TENT5C: variants seen among roughly 807,000 people sequenced by gnomAD.
TENT5C encodes family with sequence similarity 46 member C.
TENT5C carries 5 observed loss-of-function variants against 22.2 expected under a neutral mutation model. The ratio of observed to expected loss-of-function variants is 0.22; its 90% CI spans 0.12 to 0.47. The LOEUF (loss-of-function observed/expected upper bound fraction) is 0.47. Among genes scored for constraint, TENT5C ranks in the 20% least tolerant of loss-of-function variants. The pLI is 0.99. For missense variants in TENT5C, 364 were observed against 500.9 expected, an observed-to-expected ratio of 0.73 and a Z score of 2.61; for synonymous variants, 199 against 195.4, an observed-to-expected ratio of 1.02 and a Z score of -0.15.
intron 1 of TENT5C, among the ~76,000 whole-genome samples, chr1:117,613,810 T>C (rs1653720089): frequency 6.6e-6 from 1 of 152,130 alleles, no homozygotes; most frequent in Non-Finnish European, 1.5e-5. Flanking sequence ...AGACCAACTG[T>C]GGGGTTTGTT....
rs767537718 is a variant in TENT5C at position 117,623,823 on chromosome 1, G to A, written c.955G>A (p.Val319Met). 17 of 1,614,036 alleles carry A rather than the reference G, an allele frequency of 1.1e-5. No individual in the cohort carries two copies. Among genetic ancestry groups the A allele is most frequent in the Admixed American group, 6.7e-5 (4 of 60,000 alleles). The change falls in exon 2 of 2, where the codon GTG becomes ATG. Residue 319 changes from valine (V) to methionine (M), a missense_variant. Physicochemically the swap from Val to Met is conservative, Grantham distance 21. Coordinates refer to ENST00000369448, the MANE Select transcript of TENT5C (RefSeq NM_017709.4). Reference sequence around the variant, plus strand: ...TCGCAGGGTGGTGAACGAGAGCACCGTGTGTCTCATGGGGCATGAACGCAG... The same window carrying A: ...TCGCAGGGTGGTGAACGAGAGCACCATGTGTCTCATGGGGCATGAACGCAG... ...ILRRVVNEST[V>M]CLMGHERRQT...
chr1:117,607,972 T>G (rs754624649), intron 1 of TENT5C, among the ~76,000 whole-genome samples: 2 of 152,186 alleles, frequency 1.3e-5, no homozygotes, highest in African/African-American at 2.4e-5. Context: ...TACCCATAGC[T>G]TTAGAGTACA....
At chr1:117,617,396 T>TC (rs927881240) in intron 1 of TENT5C, among the ~76,000 whole-genome samples, 23 of 151,308 alleles carry the variant, frequency 1.5e-4, no homozygotes, top group African/African-American at 2.7e-4. Flanking sequence ...TTTTTTTTTT[T>TC]CCCTTCAGTG....
rs1200375252 is a variant in TENT5C, at chr1:117,627,110, G to A, written c.*3066G>A. On this transcript the variant is annotated 3_prime_UTR_variant, in exon 2 of 2. Coordinates refer to ENST00000369448, the MANE Select transcript of TENT5C (RefSeq NM_017709.4). Reference sequence around the variant, plus strand: ...CCTGTGGGATGGCCCACACCTGGGGGACCTGGCAGATGGGGTGAGTTGGGT... The same window carrying A: ...CCTGTGGGATGGCCCACACCTGGGGAACCTGGCAGATGGGGTGAGTTGGGT... The A allele has an allele frequency of 8.1e-6, 2 of 248,088 alleles. No individual in the cohort carries two copies. The highest frequency in any genetic ancestry group is 1.7e-5 in the Non-Finnish European group (2 of 118,138). 15.4% of individuals were successfully genotyped at this position (248,088 alleles called of 1,614,324 possible).
At chr1:117,620,252 A>G (rs1653864070) in intron 1 of TENT5C, among the ~76,000 whole-genome samples, 1 of 152,214 alleles carries the variant, frequency 6.6e-6, no homozygotes, top group Admixed American at 6.5e-5. Context: ...CTTGAGTCAG[A>G]ATACATTCCT....
At chr1:117,617,804 A>G (rs1653817971) in intron 1 of TENT5C, among the ~76,000 whole-genome samples, 1 of 152,246 alleles carries the variant, frequency 6.6e-6, no homozygotes, top group Non-Finnish European at 1.5e-5. Context: ...CTAAGCACTG[A>G]TGTGTTACCT....
At chr1:117,617,052 G>T (rs3767818) in intron 1 of TENT5C, among the ~76,000 whole-genome samples, 8 of 152,154 alleles carry the variant, frequency 5.3e-5, no homozygotes, top group Admixed American at 1.3e-4. Context: ...GTGTGCAAAT[G>T]TTATAAATGC....
At chr1:117,617,457 A>G (rs1377210249) in intron 1 of TENT5C, among the ~76,000 whole-genome samples, 4 of 152,030 alleles carry the variant, frequency 2.6e-5, no homozygotes, top group African/African-American at 4.8e-5. Flanking sequence ...AGGGAGTACG[A>G]AAGTACCTGA....
rs1022242271 is a variant in TENT5C, at chr1:117,608,149, G to T, written c.-28+1996G>T. 2.6e-5 allele frequency among the ~76,000 whole-genome samples: 4 copies of T among 151,340 alleles called. No homozygotes were observed. The South Asian group carries it at 8.3e-4, about 32-fold the overall frequency. On this transcript the variant is annotated intron_variant, in intron 1 of 1. Coordinates refer to ENST00000369448, the MANE Select transcript of TENT5C (RefSeq NM_017709.4). ...AAAACAAAGATCCCTAATTTCATAA[G>T]CAGCTTCAGTGAGCACATAGAATTA...
chr1:117,613,318 C>T (rs763717878), intron 1 of TENT5C, among the ~76,000 whole-genome samples: 6 of 152,240 alleles, frequency 3.9e-5, no homozygotes, highest in East Asian at 3.8e-4. Flanking sequence ...TTTGCAACCA[C>T]GTCAGAGTAT....
chr1:117,608,320 A>G (rs1201519066), intron 1 of TENT5C, among the ~76,000 whole-genome samples: 1 of 152,126 alleles, frequency 6.6e-6, no homozygotes, highest in African/African-American at 2.4e-5. Flanking sequence ...GGCTATCTCT[A>G]CCTGGTTTCT....
rs1248372065 is a variant in TENT5C at position 117,626,468 on chromosome 1, GAGCTATCAGGGTTAAA to G, written c.*2429_*2444del. 1 of 247,716 alleles carries G rather than the reference GAGCTATCAGGGTTAAA, an allele frequency of 4.0e-6. No homozygotes were observed. Among genetic ancestry groups the G allele is most frequent in the Non-Finnish European group, 8.5e-6 (1 of 117,938 alleles). The allele number at this position is 247,716 out of a possible 1,614,324, so 15.3% of individuals were successfully genotyped here. Reference sequence around the variant, plus strand: ...GTAGTTTGAGAATAGACCTATTCAAGAGCTATCAGGGTTAAAAGCTGCACTGACCAAAGCTGTACTT... The same window carrying G: ...GTAGTTTGAGAATAGACCTATTCAAGAGCTGCACTGACCAAAGCTGTACTT... On this transcript the variant is annotated 3_prime_UTR_variant, in exon 2 of 2. Coordinates refer to ENST00000369448, the MANE Select transcript of TENT5C (RefSeq NM_017709.4).
chr1:117,623,297 G>A lies in TENT5C; in HGVS notation c.429G>A (p.Val143=), dbSNP rs145118562. ...AGGAGGCATATGTGCAGAAGCTAGT[G>A]AAGGTTTGCACGGACACTGACCGCT... ...TLKEAYVQKL[V]KVCTDTDRWS... is the part of the protein sequence containing the mutation. Residue 143 remains valine, a synonymous_variant, in exon 2 of 2, where the codon GTG becomes GTA. Transcript: ENST00000369448. 21 of 1,614,060 alleles carry A rather than the reference G, an allele frequency of 1.3e-5. No homozygotes were observed. The highest frequency in any genetic ancestry group is 1.6e-5 in the Non-Finnish European group (19 of 1,180,038).
intron 1 of TENT5C, among the ~76,000 whole-genome samples, chr1:117,622,462 G>A (rs895260314): frequency 2.6e-5 from 4 of 152,138 alleles, no homozygotes; most frequent in Non-Finnish European, 4.4e-5. Flanking sequence ...CAACCAGGTC[G>A]AGATGTGGTT....
chr1:117,612,152 G>C (rs942901337), intron 1 of TENT5C, among the ~76,000 whole-genome samples: 3 of 152,160 alleles, frequency 2.0e-5, no homozygotes, highest in African/African-American at 7.2e-5. Flanking sequence ...AGCTCCACAG[G>C]GCCAGGGATC....
Position 117,624,123 on chromosome 1 carries a change from T to C in TENT5C, c.*79T>C, listed in dbSNP as rs565282211. 3 of 1,249,926 alleles carry C rather than the reference T, an allele frequency of 2.4e-6. No individual in the cohort carries two copies. In the South Asian group the frequency reaches 4.7e-5, roughly 19 times the overall value. 77.4% of individuals were successfully genotyped at this position (1,249,926 alleles called of 1,614,324 possible). The stretch of plus-strand genomic sequence containing the variant: ...AGGTAGGGGAGCCTCCTTCTAGATG[T>C]AGGCATTTGGCTTTTAAAGGGGAAC... On this transcript the variant is annotated 3_prime_UTR_variant, in exon 2 of 2. Transcript: ENST00000369448.
intron 1 of TENT5C, among the ~76,000 whole-genome samples, chr1:117,614,159 GGAGGA>G (rs1653726939): frequency 6.6e-6 from 1 of 152,142 alleles, no homozygotes; most frequent in Non-Finnish European, 1.5e-5. Context: ...CTGGCCCTAG[GGAGGA>G]GCTGGCAGAC....
chr1:117,614,127 G>A (rs1037109867), intron 1 of TENT5C, among the ~76,000 whole-genome samples: 1 of 152,112 alleles, frequency 6.6e-6, no homozygotes, highest in Admixed American at 6.5e-5. Context: ...CCAGAATGTG[G>A]CCCCCTCCCT....
At position 117,621,023 on chromosome 1, in the gene TENT5C, CA is replaced by C. The variant is rs577334386; in HGVS notation, c.-27-1816del. Among the ~76,000 whole-genome samples, 736 of 152,258 alleles carry C rather than the reference CA, an allele frequency of 4.8e-3. 4 individuals carry two copies. The highest frequency in any genetic ancestry group is 0.017 in the African/African-American group (696 of 41,546). ...TGGCAAAAAGAGAACTCTACTATCC[CA>C]AATCTGCCTTGAAACCAAATGCCAG... is the stretch of plus-strand genomic sequence containing the variant. On this transcript the variant is annotated intron_variant, in intron 1 of 1. Transcript: ENST00000369448.
Sources: allele counts gnomAD v4.1 joint callset (sites outside exome capture counted in the v4.1 genomes callset), GRCh38; gene constraint gnomAD v4.1.1; transcripts MANE v1.5; gene names NCBI Gene and HGNC (gene_info 2026-07-23, HGNC 2026-07-21).